The following NTRK2 variants were observed in gnomAD, a reference collection of about 807,000 sequenced individuals.
The protein encoded by NTRK2 is BDNF/NT-3 growth factors receptor.
A neutral mutation model predicts 94.5 loss-of-function variants in NTRK2; 13 were observed. The observed-to-expected ratio is 0.14, with a 90% CI of 0.09 to 0.22. The LOEUF is 0.22. Ranked by LOEUF, NTRK2 falls within the 10% of genes least tolerant of loss-of-function variation. The probability of loss-of-function intolerance (pLI) is 1.00; values close to 1 mark genes in which losing one functional copy is unlikely to be tolerated. For synonymous variants in NTRK2, 372 were observed against 407.4 expected, an observed-to-expected ratio of 0.91 and a Z score of 1.05; for missense variants, 639 against 1,071.2, an observed-to-expected ratio of 0.60 and a Z score of 5.63.
chr9:84,855,581 ATTTT>A (rs377152273), intron 12 of NTRK2, among the ~76,000 whole-genome samples: 2 of 133,714 alleles, frequency 1.5e-5, no homozygotes. Context: ...CCTCAAGCAT[ATTTT>A]TTTTTTTTTT....
chr9:84,687,448 C>G (rs903289910), intron 2 of NTRK2, among the ~76,000 whole-genome samples: 1 of 152,078 alleles, frequency 6.6e-6, no homozygotes, highest in East Asian at 1.9e-4. Flanking sequence ...TCCTCTATTG[C>G]GGAGGAATTG....
At chr9:84,902,379 G>A (rs981877719) in intron 14 of NTRK2, among the ~76,000 whole-genome samples, 1 of 152,094 alleles carries the variant, frequency 6.6e-6, no homozygotes, top group African/African-American at 2.4e-5. Flanking sequence ...GTGAGAATTA[G>A]GGTGAGTGAG....
At chr9:84,724,430 T>C (rs1288248401) in intron 8 of NTRK2, 74 bp downstream of exon 8, 1 of 1,565,598 alleles carries the variant, frequency 6.4e-7, no homozygotes, top group Non-Finnish European at 8.8e-7. Context: ...GCTGGGGCAC[T>C]CTGGGTGCTG....
At chr9:84,714,876 G>T (rs1008272819) in intron 6 of NTRK2, among the ~76,000 whole-genome samples, 3 of 152,186 alleles carry the variant, frequency 2.0e-5, no homozygotes, top group African/African-American at 7.2e-5. Flanking sequence ...CCATGGTCTT[G>T]TGTGTGTCAT....
chr9:84,814,199 G>C, intron 12 of NTRK2: 2 of 1,065,736 alleles, frequency 1.9e-6, no homozygotes, highest in African/African-American at 1.6e-5. Context: ...CAGAACACAG[G>C]AGTTTGCTTT....
intron 17 of NTRK2, among the ~76,000 whole-genome samples, chr9:84,957,018 T>C (rs1253533259): frequency 6.6e-6 from 1 of 152,192 alleles, no homozygotes; most frequent in Non-Finnish European, 1.5e-5. Context: ...GACTAGTTTG[T>C]TCAAGATATT....
At chr9:84,812,976 A>G (rs1226266758) in intron 12 of NTRK2, 3 of 1,034,112 alleles carry the variant, frequency 2.9e-6, no homozygotes, top group African/African-American at 3.4e-5. Context: ...CCCTGAAGGG[A>G]TGATCAGTAA....
chr9:84,975,500 A>G (rs920071459), intron 17 of NTRK2, among the ~76,000 whole-genome samples: 7 of 152,162 alleles, frequency 4.6e-5, no homozygotes, highest in African/African-American at 1.2e-4. Context: ...TTGCCATCAC[A>G]TTGGCGTTAT....
At chr9:84,747,380 T>C (rs1159839180) in intron 11 of NTRK2, among the ~76,000 whole-genome samples, 1 of 152,126 alleles carries the variant, frequency 6.6e-6, no homozygotes, top group African/African-American at 2.4e-5. Context: ...TAATATTTCT[T>C]GGTGTAAGAA....
At chr9:84,830,390 T>C (rs1296691768) in intron 12 of NTRK2, among the ~76,000 whole-genome samples, 1 of 152,154 alleles carries the variant, frequency 6.6e-6, no homozygotes, top group Non-Finnish European at 1.5e-5. Flanking sequence ...GTTAGAAGTG[T>C]GATAGAAACA....
At chr9:85,009,538 G>A (rs987096057) in intron 17 of NTRK2, among the ~76,000 whole-genome samples, 2 of 152,058 alleles carry the variant, frequency 1.3e-5, no homozygotes, top group African/African-American at 4.8e-5. Flanking sequence ...CACTTTTTAT[G>A]GGTATATTTT....
chr9:84,991,580 A>G (rs983562199), intron 17 of NTRK2, among the ~76,000 whole-genome samples: 2 of 152,082 alleles, frequency 1.3e-5, no homozygotes, highest in African/African-American at 4.8e-5. Context: ...TCTTCTTTGG[A>G]AATTCACCAG....
In NTRK2 at chr9:84,870,796, G is replaced by A. The variant is rs921867931; in HGVS notation, c.1633+3365G>A. Among the ~76,000 whole-genome samples the A allele has an allele frequency of 2.6e-5, 4 of 152,008 alleles. No homozygotes were observed. The East Asian group carries it at 5.8e-4, about 22-fold the overall frequency. On this transcript the variant is annotated intron_variant, in intron 14 of 18. Coordinates refer to ENST00000277120, the MANE Select transcript of NTRK2 (RefSeq NM_006180.6). The stretch of plus-strand genomic sequence containing the variant: ...AATATCACATGGACAGTACAATATC[G>A]CTATTCTTATGGATCCAACAGAGAC...
chr9:84,758,182 T>C (rs1021887537), intron 12 of NTRK2, among the ~76,000 whole-genome samples: 12 of 135,040 alleles, frequency 8.9e-5, no homozygotes, highest in South Asian at 2.2e-4. Context: ...TCTTCTAGTC[T>C]TTTGACTTTT....
At chr9:84,700,731 A>AT (rs1290836375) in intron 2 of NTRK2, among the ~76,000 whole-genome samples, 8 of 152,048 alleles carry the variant, frequency 5.3e-5, no homozygotes, top group East Asian at 3.9e-4. Flanking sequence ...ATCATTTAAT[A>AT]TTTTTTTCAT....
At chr9:84,712,879 G>A (rs994344633) in intron 6 of NTRK2, among the ~76,000 whole-genome samples, 19 of 152,060 alleles carry the variant, frequency 1.2e-4, no homozygotes, top group Non-Finnish European at 2.9e-5. Flanking sequence ...CCATATTGAC[G>A]AGCATTTTGC....
intron 12 of NTRK2, among the ~76,000 whole-genome samples, chr9:84,772,049 A>C (rs2066602474): frequency 6.6e-6 from 1 of 152,160 alleles, no homozygotes; most frequent in Non-Finnish European, 1.5e-5. Flanking sequence ...CAACCTCTCT[A>C]AATTTTATTT....
At chr9:84,759,469 G>T (rs927295385) in intron 12 of NTRK2, among the ~76,000 whole-genome samples, 3 of 152,178 alleles carry the variant, frequency 2.0e-5, no homozygotes, top group Non-Finnish European at 2.9e-5. Context: ...TCCCACAACC[G>T]CAGCATGATT....
At chr9:84,956,246 A>G (rs1431797717) in intron 17 of NTRK2, among the ~76,000 whole-genome samples, 1 of 152,180 alleles carries the variant, frequency 6.6e-6, no homozygotes, top group Non-Finnish European at 1.5e-5. Flanking sequence ...GAGATGGAAG[A>G]AGTTTTATCC....
Sources: allele counts gnomAD v4.1 joint callset (sites outside exome capture counted in the v4.1 genomes callset), GRCh38; gene constraint gnomAD v4.1.1; transcripts MANE v1.5; gene names NCBI Gene and HGNC (gene_info 2026-07-23, HGNC 2026-07-21).